Variants in LRP1B observed in about 807,000 individuals in gnomAD.
LRP1B encodes LDL receptor related protein 1B.
A neutral mutation model predicts 556.6 loss-of-function variants in LRP1B; 217 were observed. That is an observed-to-expected ratio of 0.39 (90% confidence interval 0.35 to 0.44). LRP1B has a LOEUF of 0.44. Ranked by LOEUF, LRP1B falls within the 20% of genes least tolerant of loss-of-function variation. The pLI is 1.00. For synonymous variants in LRP1B, 2,047 were observed against 1,865.8 expected (o/e 1.10, Z -2.50); for missense variants, 5,053 against 5,620.8 (o/e 0.90, Z 3.23).
intron 3 of LRP1B, among the ~76,000 whole-genome samples, chr2:141,281,377 GA>G (rs1433942316): frequency 6.6e-6 from 1 of 151,688 alleles, no homozygotes. Context: ...AGACTTTGCA[GA>G]AAAAAAATCT....
chr2:140,291,318 A>ATTTTTTTTTTTTT (rs1553440648), intron 84 of LRP1B, among the ~76,000 whole-genome samples: 2 of 109,334 alleles, frequency 1.8e-5, no homozygotes, highest in African/African-American at 3.0e-5. Flanking sequence ...ATATATATAT[A>ATTTTTTTTTTTTT]TTTTTATTAT....
intron 2 of LRP1B, among the ~76,000 whole-genome samples, chr2:141,524,872 A>G (rs1048531293): frequency 6.6e-6 from 1 of 152,120 alleles, no homozygotes; most frequent in Non-Finnish European, 1.5e-5. Context: ...GAATTTTTAA[A>G]AGAAAAAACA....
chr2:141,739,756 T>C (rs963841600), intron 2 of LRP1B, among the ~76,000 whole-genome samples: 1 of 152,044 alleles, frequency 6.6e-6, no homozygotes, highest in African/African-American at 2.4e-5. Context: ...ACAGTTTCTT[T>C]AAAATAAGGT....
At chr2:141,814,518 G>A (rs1696465960) in intron 1 of LRP1B, among the ~76,000 whole-genome samples, 1 of 152,194 alleles carries the variant, frequency 6.6e-6, no homozygotes, top group African/African-American at 2.4e-5. Flanking sequence ...GGTGAGAGGA[G>A]ATGGTACTGT....
At chr2:140,257,905 A>C (rs1681766125) in intron 86 of LRP1B, among the ~76,000 whole-genome samples, 1 of 152,196 alleles carries the variant, frequency 6.6e-6, no homozygotes, top group African/African-American at 2.4e-5. Context: ...CCACAAGGTC[A>C]CTGGTCCATG....
intron 20 of LRP1B, among the ~76,000 whole-genome samples, chr2:140,939,826 T>G (rs1166369935): frequency 6.6e-6 from 1 of 151,512 alleles, no homozygotes; most frequent in Non-Finnish European, 1.5e-5. Context: ...CAGGTAAAAT[T>G]TTTTTTAGGA....
chr2:141,643,253 T>C (rs994343128), intron 2 of LRP1B, among the ~76,000 whole-genome samples: 1 of 152,064 alleles, frequency 6.6e-6, no homozygotes, highest in Admixed American at 6.6e-5. Context: ...TTACTGGCAA[T>C]GCAATAATTA....
At chr2:141,370,879 C>A (rs905737495) in intron 3 of LRP1B, among the ~76,000 whole-genome samples, 1 of 152,134 alleles carries the variant, frequency 6.6e-6, no homozygotes, top group Non-Finnish European at 1.5e-5. Flanking sequence ...CCATTTTTCC[C>A]AGCACCATTT....
chr2:140,856,738 T>TACACAC (rs57220779), intron 27 of LRP1B, among the ~76,000 whole-genome samples: 2,357 of 148,418 alleles, frequency 0.016, 33 homozygotes, highest in Admixed American at 0.039. Flanking sequence ...CTAAGAGAGA[T>TACACAC]ACACACACAC....
chr2:140,474,737 T>C (rs1533576), intron 60 of LRP1B, among the ~76,000 whole-genome samples: 148,952 of 151,902 alleles, frequency 0.98, 73,094 homozygotes, highest in South Asian at 1. Flanking sequence ...ATAGCTTAAC[T>C]GATAACTTAT....
intron 1 of LRP1B, among the ~76,000 whole-genome samples, chr2:141,891,218 A>C (rs1011882504): frequency 6.6e-6 from 1 of 152,104 alleles, no homozygotes; most frequent in African/African-American, 2.4e-5. Context: ...GTGGAGATGC[A>C]TTGGAAAAAG....
intron 3 of LRP1B, among the ~76,000 whole-genome samples, chr2:141,292,946 C>A (rs1686034111): frequency 6.6e-6 from 1 of 151,952 alleles, no homozygotes. Flanking sequence ...AAAAATTGTA[C>A]CATATGAATA....
chr2:141,421,319 G>A (rs766115402), intron 3 of LRP1B, among the ~76,000 whole-genome samples: 2 of 152,192 alleles, frequency 1.3e-5, no homozygotes, highest in East Asian at 3.9e-4. Flanking sequence ...ACGAGGTCAG[G>A]AGATCGAGAC....
rs539008854 is a variant in LRP1B at position 142,077,020 on chromosome 2, C to T, written c.82+53628G>A. 2.1e-4 allele frequency among the ~76,000 whole-genome samples: 32 copies of T among 152,092 alleles called. No individual in the cohort carries two copies. The South Asian group carries it at 6.6e-3, about 32-fold the overall frequency. ...ATAACCGTCTACCCTACACTAACAC[C>T]AAAACATTTATTAACTCTAAGATAA... On this transcript the variant is annotated intron_variant, in intron 1 of 90. Coordinates refer to ENST00000389484, the MANE Select transcript of LRP1B (RefSeq NM_018557.3).
chr2:141,359,650 G>C (rs1688746691), intron 3 of LRP1B, among the ~76,000 whole-genome samples: 2 of 152,088 alleles, frequency 1.3e-5, no homozygotes, highest in Non-Finnish European at 2.9e-5. Flanking sequence ...CAGCTACTTG[G>C]GAGGCTGAGG....
Position 140,902,988 on chromosome 2 carries a change from T to C in LRP1B, c.3698A>G (p.His1233Arg). The change falls in exon 23 of 91, where the codon CAC (histidine) becomes CGC (arginine). Residue 1233 changes from histidine (H) to arginine (R), a missense_variant. Coordinates refer to ENST00000389484, the MANE Select transcript of LRP1B (RefSeq NM_018557.3). ...KCSQVCEQHK[H>R]TVKCSCYEGW... ...TTCATAACATGAGCACTTGACTGTG[T>C]GCTTGTGCTGCTCACATACTTGGCT... The C allele has an allele frequency of 6.2e-7, 1 of 1,613,672 alleles. No individual in the cohort carries two copies. The highest frequency in any genetic ancestry group is 8.5e-7 in the Non-Finnish European group (1 of 1,179,704).
At chr2:142,046,553 G>A (rs1354547249) in intron 1 of LRP1B, among the ~76,000 whole-genome samples, 1 of 151,932 alleles carries the variant, frequency 6.6e-6, no homozygotes, top group Non-Finnish European at 1.5e-5. Context: ...ATAAACAGCA[G>A]TAGTAATTTC....
intron 63 of LRP1B, among the ~76,000 whole-genome samples, chr2:140,447,660 T>C (rs1450812221): frequency 6.6e-6 from 1 of 152,118 alleles, no homozygotes; most frequent in Non-Finnish European, 1.5e-5. Context: ...TTTATTTTCT[T>C]ATAATAACTT....
At chr2:141,022,700 A>G (rs191861780) in intron 11 of LRP1B, among the ~76,000 whole-genome samples, 47 of 152,118 alleles carry the variant, frequency 3.1e-4, no homozygotes, top group Admixed American at 1.0e-3. Context: ...TCAAAGGCCA[A>G]ACAAACATCA....
Sources: gnomAD v4.1 joint callset for allele counts (sites outside exome capture counted in the v4.1 genomes callset) on GRCh38, gnomAD v4.1.1 for gene constraint, MANE v1.5 for transcripts, NCBI Gene and HGNC (gene_info 2026-07-23, HGNC 2026-07-21) for gene names.